The following TMEM108 variants were observed in gnomAD, a reference collection of about 807,000 sequenced individuals.
The protein encoded by TMEM108 is transmembrane protein 108, also known as cancer/testis antigen 124.
A neutral mutation model predicts 35.1 loss-of-function variants in TMEM108; 12 were observed. That is an observed-to-expected ratio of 0.34 (90% CI 0.22 to 0.55). The LOEUF (loss-of-function observed/expected upper bound fraction) is 0.55, where lower values mean the gene tolerates loss of function less well. Ranked by LOEUF, TMEM108 falls within the 20% of genes least tolerant of loss-of-function variation. The pLI, the probability that TMEM108 is intolerant of heterozygous loss-of-function variation, is 0.89. For synonymous variants in TMEM108, 287 were observed against 308.6 expected, an observed-to-expected ratio of 0.93 and a Z score of 0.73; for missense variants, 680 against 753.3, an observed-to-expected ratio of 0.90 and a Z score of 1.14.
intron 2 of TMEM108, among the ~76,000 whole-genome samples, chr3:133,200,141 C>A (rs1481795636): frequency 6.6e-6 from 1 of 152,108 alleles, no homozygotes; most frequent in East Asian, 1.9e-4. Flanking sequence ...GTAGGAGTGA[C>A]CCGATTTTCC....
chr3:133,122,678 A>G (rs1460140492), intron 2 of TMEM108, among the ~76,000 whole-genome samples: 3 of 152,074 alleles, frequency 2.0e-5, no homozygotes, highest in African/African-American at 7.2e-5. Context: ...CCTGGCTAAC[A>G]CAGTGAAACC....
At chr3:133,294,355 T>C (rs954095071) in intron 3 of TMEM108, among the ~76,000 whole-genome samples, 1 of 152,124 alleles carries the variant, frequency 6.6e-6, no homozygotes, top group Non-Finnish European at 1.5e-5. Context: ...ATTTACTTTT[T>C]AAAAAATGCA....
intron 2 of TMEM108, among the ~76,000 whole-genome samples, chr3:133,061,800 C>T (rs1272072690): frequency 6.6e-6 from 1 of 152,052 alleles, no homozygotes; most frequent in Non-Finnish European, 1.5e-5. Flanking sequence ...AAGTACCCAC[C>T]AAGGAGAAAT....
At position 133,380,292 on chromosome 3, in the gene TMEM108, A is replaced by G. The variant is rs773642558; in HGVS notation, c.581A>G (p.Lys194Arg). 6.2e-7 allele frequency: 1 copy of G among 1,614,058 alleles called. No homozygotes were observed. Among genetic ancestry groups the G allele is most frequent in the South Asian group, 1.1e-5 (1 of 91,080 alleles). ...GCACCTGGTGGCCACTCCAGGAGTAAAGAAGGACAGCGAGGACGAAATCCA... is the reference window on the plus strand; with the variant it reads ...GCACCTGGTGGCCACTCCAGGAGTAGAGAAGGACAGCGAGGACGAAATCCA... ...PPAPGGHSRS[K>R]EGQRGRNPSS... Residue 194 changes from lysine (K) to arginine (R), a missense_variant, in exon 4 of 6, where the codon AAA (lysine) becomes AGA (arginine). Lys to Arg is a conservative substitution (Grantham distance 26). Around this residue, in one of 3 missense-constraint regions of TMEM108, gnomAD observed 526 missense variants for 532.1 expected, o/e 0.99. Transcript: ENST00000321871. The surrounding 1 kb of genome is among the most constrained non-coding windows in gnomAD (Gnocchi z 5.3).
At chr3:133,091,324 G>A (rs995418840) in intron 2 of TMEM108, among the ~76,000 whole-genome samples, 3 of 152,138 alleles carry the variant, frequency 2.0e-5, no homozygotes, top group Admixed American at 2.0e-4. Context: ...CTTCCCCAGT[G>A]AGTGTGAATT....
intron 3 of TMEM108, among the ~76,000 whole-genome samples, chr3:133,365,468 G>T (rs754795494): frequency 1.3e-5 from 2 of 152,266 alleles, no homozygotes; most frequent in African/African-American, 4.8e-5. Flanking sequence ...ATATTTATGC[G>T]TACCTGGGTT....
chr3:133,200,042 C>G (rs1192343397), intron 2 of TMEM108, among the ~76,000 whole-genome samples: 2 of 152,204 alleles, frequency 1.3e-5, no homozygotes, highest in Non-Finnish European at 2.9e-5. Context: ...GAGTGAGGCT[C>G]CATGGGCATG....
intron 2 of TMEM108, among the ~76,000 whole-genome samples, chr3:133,136,150 A>C (rs1380478606): frequency 6.6e-6 from 1 of 152,218 alleles, no homozygotes; most frequent in Admixed American, 6.5e-5. Flanking sequence ...TTACATTTTA[A>C]GTCAGAAACT....
At position 133,361,278 on chromosome 3, in the gene TMEM108, A is replaced by G. The variant is rs200529652; in HGVS notation, c.41-18474A>G. 1.2e-4 allele frequency among the ~76,000 whole-genome samples: 18 copies of G among 152,352 alleles called. No homozygotes were observed. In the East Asian group the frequency reaches 3.5e-3, roughly 29 times the overall value. On this transcript the variant is annotated intron_variant, in intron 3 of 5. Transcript: ENST00000321871. ...GTAAGGTGTGACTCAAAGAGCCTGCACTAAGAGCAAGACAGTCCTGGACTG... is the reference window on the plus strand; with the variant it reads ...GTAAGGTGTGACTCAAAGAGCCTGCGCTAAGAGCAAGACAGTCCTGGACTG...
chr3:133,243,254 A>G (rs1946337731), intron 3 of TMEM108, among the ~76,000 whole-genome samples: 1 of 152,168 alleles, frequency 6.6e-6, no homozygotes, highest in Non-Finnish European at 1.5e-5. Flanking sequence ...GCTTGCTTGT[A>G]TAAACACATG....
chr3:133,360,676 G>C (rs1019390065), intron 3 of TMEM108, among the ~76,000 whole-genome samples: 2 of 152,172 alleles, frequency 1.3e-5, no homozygotes, highest in Admixed American at 6.5e-5. Context: ...CTTTTTGTGC[G>C]CTGTCTCTGA....
chr3:133,039,729 C>T (rs889644159), intron 1 of TMEM108, among the ~76,000 whole-genome samples: 1 of 152,174 alleles, frequency 6.6e-6, no homozygotes. Flanking sequence ...GGACTTTCCA[C>T]GTAATTTATT....
chr3:133,282,691 T>C (rs1034691969), intron 3 of TMEM108, among the ~76,000 whole-genome samples: 2 of 152,212 alleles, frequency 1.3e-5, no homozygotes, highest in South Asian at 2.1e-4. Flanking sequence ...TCTCCTTCTG[T>C]TTTTTGTAAA....
chr3:133,266,088 C>T (rs1946693032), intron 3 of TMEM108, among the ~76,000 whole-genome samples: 1 of 151,688 alleles, frequency 6.6e-6, no homozygotes, highest in Non-Finnish European at 1.5e-5. Flanking sequence ...TCCAAGAAAG[C>T]TCTTAAAAAA....
chr3:133,100,914 TC>T (rs1395866791), intron 2 of TMEM108, among the ~76,000 whole-genome samples: 1 of 152,246 alleles, frequency 6.6e-6, no homozygotes, highest in African/African-American at 2.4e-5. Flanking sequence ...TGTGTATGTA[TC>T]TAGATATTTA....
At chr3:133,228,008 AT>A (rs1222674044) in intron 2 of TMEM108, among the ~76,000 whole-genome samples, 1 of 152,224 alleles carries the variant, frequency 6.6e-6, no homozygotes. Context: ...CAATAGATTA[AT>A]GGTTGCCAAA....
At chr3:133,182,778 G>T (rs188502673) in intron 2 of TMEM108, among the ~76,000 whole-genome samples, 1 of 152,278 alleles carries the variant, frequency 6.6e-6, no homozygotes, top group Admixed American at 6.5e-5. Flanking sequence ...TAGCACCCAG[G>T]TCAAAATATG....
intron 3 of TMEM108, among the ~76,000 whole-genome samples, chr3:133,231,997 T>C (rs1166796602): frequency 6.6e-6 from 1 of 152,102 alleles, no homozygotes; most frequent in African/African-American, 2.4e-5. Flanking sequence ...ATATGTGCCC[T>C]TTTCTTCATT....
chr3:133,116,844 C>G (rs1944293928), intron 2 of TMEM108, among the ~76,000 whole-genome samples: 1 of 152,188 alleles, frequency 6.6e-6, no homozygotes, highest in Admixed American at 6.5e-5. Context: ...GGCGTGATCT[C>G]TGCTCACTGC....
Sources: allele counts gnomAD v4.1 joint callset (sites outside exome capture counted in the v4.1 genomes callset), GRCh38; gene constraint gnomAD v4.1.1; regional missense constraint gnomAD v4.1.1; non-coding constraint Gnocchi (gnomAD v3.1); transcripts MANE v1.5; gene names NCBI Gene and HGNC (gene_info 2026-07-23, HGNC 2026-07-21).